Variants in RNF213 observed in about 807,000 individuals in gnomAD.
RNF213 encodes E3 ubiquitin-protein ligase RNF213.
A neutral mutation model predicts 514.4 loss-of-function variants in RNF213; 341 were observed. The observed-to-expected ratio is 0.66, with a 90% confidence interval of 0.61 to 0.73. RNF213 has a LOEUF of 0.73. Ranked by LOEUF, RNF213 falls within the 30% of genes least tolerant of loss-of-function variation. The pLI is 0.00. For synonymous variants in RNF213, 2,655 were observed against 2,658.2 expected, an observed-to-expected ratio of 1.00 and a Z score of 0.04; for missense variants, 5,767 against 6,615.6, an observed-to-expected ratio of 0.87 and a Z score of 4.45.
chr17:80,386,248 A>C lies in RNF213; in HGVS notation c.14540-2A>C. On this transcript the variant is annotated splice_acceptor_variant, in intron 61 of 67. Transcript: ENST00000582970. LOFTEE classifies it high-confidence loss of function. The stretch of plus-strand genomic sequence containing the variant: ...GCTTAAGCATAACCCTGTCGTTTAA[A>C]GGTGAGATCAACCTACCCAAAGACT... The C allele has an allele frequency of 6.2e-7, 1 of 1,607,072 alleles. No individual in the cohort carries two copies. Among genetic ancestry groups the C allele is most frequent in the Non-Finnish European group, 8.5e-7 (1 of 1,179,954 alleles).
chr17:80,283,281 C>G (rs559501648), intron 3 of RNF213, among the ~76,000 whole-genome samples: 1 of 151,938 alleles, frequency 6.6e-6, no homozygotes, highest in Non-Finnish European at 1.5e-5. Context: ...GCAGTTCACA[C>G]GGGAAGAGCT....
chr17:80,317,333 C>CAGA lies in RNF213; in HGVS notation c.2901+57_2901+59dup. The CAGA allele has an allele frequency of 1.3e-6, 2 of 1,521,020 alleles. No homozygotes were observed. 94.2% of individuals were successfully genotyped at this position (1,521,020 alleles called of 1,614,324 possible). On this transcript the variant is annotated intron_variant, in intron 16 of 67. Coordinates refer to ENST00000582970, the MANE Select transcript of RNF213 (RefSeq NM_001256071.3). This position sits in a 1 kb window ranked among gnomAD's most constrained non-coding sequence, Gnocchi z 4.1. The stretch of plus-strand genomic sequence containing the variant: ...GGCGTGAAGGCAAGCTGGAGAACCC[C>CAGA]AGACCATTAGCGACAGCCAAGAGAT...
chr17:80,389,750 A>C (rs2080386873), intron 65 of RNF213, 78 bp from the exon 66 acceptor site: 1 of 1,208,544 alleles, frequency 8.3e-7, no homozygotes, highest in East Asian at 2.3e-5. Context: ...TGTGGAGAGC[A>C]CTCAGGCTCC....
chr17:80,311,728 C>T (rs899143667), intron 14 of RNF213, among the ~76,000 whole-genome samples: 2 of 152,242 alleles, frequency 1.3e-5, no homozygotes, highest in Non-Finnish European at 2.9e-5. Context: ...TGCCCAGCTG[C>T]CTCGAGGCGT....
chr17:80,278,023 G>A (rs1004689109), intron 3 of RNF213, among the ~76,000 whole-genome samples: 2 of 152,260 alleles, frequency 1.3e-5, no homozygotes, highest in East Asian at 1.9e-4. Flanking sequence ...TTTGGTGGCC[G>A]CTGGTTGCTG....
Position 80,343,229 on chromosome 17 carries a change from G to A in RNF213, c.6087G>A (p.Gln2029=), listed in dbSNP as rs2078211921. 6.2e-7 allele frequency: 1 copy of A among 1,614,076 alleles called. No homozygotes were observed. The highest frequency in any genetic ancestry group is 8.5e-7 in the Non-Finnish European group (1 of 1,179,934). The part of the protein sequence containing the change: ...PLKTIRLIDP[Q]VDESRVLGAL... ...AAACAATTCGACTGATCGACCCTCA[G>A]GTGGATGAGAGCCGAGTCCTGGGCG... The change falls in exon 27 of 68, where the codon CAG becomes CAA. Residue 2029 remains glutamine, a synonymous_variant. Coordinates refer to ENST00000582970, the MANE Select transcript of RNF213 (RefSeq NM_001256071.3). This position sits in a 1 kb window ranked among gnomAD's most constrained non-coding sequence, Gnocchi z 4.3.
At chr17:80,318,853 G>A (rs974400609) in intron 16 of RNF213, among the ~76,000 whole-genome samples, 4 of 152,236 alleles carry the variant, frequency 2.6e-5, no homozygotes, top group African/African-American at 9.6e-5. Flanking sequence ...GATGACAGGC[G>A]TGAGCCACCG....
chr17:80,373,031 G>C lies in RNF213; in HGVS notation c.12808G>C (p.Val4270Leu). 1 of 1,614,076 alleles carries C rather than the reference G, an allele frequency of 6.2e-7. No individual in the cohort carries two copies. Among genetic ancestry groups the C allele is most frequent in the Non-Finnish European group, 8.5e-7 (1 of 1,180,004 alleles). ...GCAAGTCAAGCAGTTCTGTATCCGG[G>C]TGGAGAACGACTGGCACCGGGTGTA... ...LQQVKQFCIR[V>L]ENDWHRVYLV... is the part of the protein sequence containing the mutation. The change falls in exon 49 of 68, where the codon GTG (valine) becomes CTG (leucine). Residue 4270 changes from valine to leucine, a missense_variant. By Grantham distance (32) the Val-to-Leu change is conservative. Around this residue, in one of 13 missense-constraint regions of RNF213, gnomAD observed 1,245 missense variants for 1,339.0 expected, o/e 0.93. Coordinates refer to ENST00000582970, the MANE Select transcript of RNF213 (RefSeq NM_001256071.3).
Position 80,347,632 on chromosome 17 carries a change from G to C in RNF213, c.9297G>C (p.Met3099Ile). Residue 3099 changes from methionine (M) to isoleucine (I), a missense_variant, in exon 29 of 68, where the codon ATG (methionine) becomes ATC (isoleucine). Met to Ile is a conservative substitution (Grantham distance 10). Around this residue, in one of 13 missense-constraint regions of RNF213, gnomAD observed 919 missense variants for 1,121.0 expected, o/e 0.82. Transcript: ENST00000582970. This position sits in a 1 kb window ranked among gnomAD's most constrained non-coding sequence, Gnocchi z 7.2. ...AGATCTGCATGGAAACAGGCAAGAT[G>C]GTGTTGCTTCTCAACCTGCAGAACC... ...RVKICMETGK[M>I]VLLLNLQNLY... The C allele has an allele frequency of 6.2e-7, 1 of 1,614,122 alleles. No individual in the cohort carries two copies. Among genetic ancestry groups the C allele is most frequent in the Non-Finnish European group, 8.5e-7 (1 of 1,180,030 alleles).
chr17:80,306,589 A>C, intron 12 of RNF213, 121 bp downstream of exon 12: 31 of 1,011,844 alleles, frequency 3.1e-5, no homozygotes, highest in Non-Finnish European at 3.9e-5. Context: ...GCGGTGGCTC[A>C]CGCCTGAATC....
intron 57 of RNF213, chr17:80,381,998 C>A: frequency 4.2e-6 from 2 of 475,270 alleles, no homozygotes; most frequent in South Asian, 4.1e-5. Context: ...CTGCGGTATT[C>A]GGGAGCGTCT....
At position 80,263,985 on chromosome 17, in the gene RNF213, C is replaced by T. The variant is rs950759219; in HGVS notation, c.97+207C>T. Among the ~76,000 whole-genome samples, 3 of 152,154 alleles carry T rather than the reference C, an allele frequency of 2.0e-5. No homozygotes were observed. Among genetic ancestry groups the T allele is most frequent in the African/African-American group, 7.2e-5 (3 of 41,428 alleles). On this transcript the variant is annotated intron_variant, in intron 2 of 67. Transcript: ENST00000582970. This position sits in a 1 kb window ranked among gnomAD's most constrained non-coding sequence, Gnocchi z 4.9. Reference sequence around the variant, plus strand: ...TGGGGTGGCATAGATTAGTCTCCCACACAGGTCAAGCCAGGGGACCACCAC... The same window carrying T: ...TGGGGTGGCATAGATTAGTCTCCCATACAGGTCAAGCCAGGGGACCACCAC...
chr17:80,284,629 A>T (rs1455361806), intron 3 of RNF213, among the ~76,000 whole-genome samples: 1 of 151,998 alleles, frequency 6.6e-6, no homozygotes, highest in Non-Finnish European at 1.5e-5. Flanking sequence ...GAAGTTTATT[A>T]TGGACACACC....
chr17:80,393,355 A>G lies in RNF213; in HGVS notation c.15481A>G (p.Thr5161Ala), dbSNP rs1317128925. 1 of 1,613,962 alleles carries G rather than the reference A, an allele frequency of 6.2e-7. No homozygotes were observed. Among genetic ancestry groups the G allele is most frequent in the South Asian group, 1.1e-5 (1 of 91,074 alleles). ...RFRPQWSLRD[T>A]LVSYMQTKES... The stretch of plus-strand genomic sequence containing the variant: ...TCTTTGGTTTTTCAGCCTGAGAGAC[A>G]CTCTCGTAAGTTACATGCAAACTAA... Residue 5161 changes from threonine (T) to alanine (A), a missense_variant, in exon 68 of 68, where the codon ACT becomes GCT. Coordinates refer to ENST00000582970, the MANE Select transcript of RNF213 (RefSeq NM_001256071.3).
intron 11 of RNF213, among the ~76,000 whole-genome samples, 184 bp from the exon 12 acceptor site, chr17:80,306,068 G>A (rs1220823772): frequency 1.3e-5 from 2 of 151,942 alleles, no homozygotes; most frequent in Non-Finnish European, 2.9e-5. Context: ...GGGCTCAAGT[G>A]ATCCTCCCGA....
intron 14 of RNF213, among the ~76,000 whole-genome samples, chr17:80,309,915 C>T (rs1183427550): frequency 1.3e-5 from 2 of 152,026 alleles, no homozygotes; most frequent in East Asian, 3.9e-4. Context: ...GCCACCACGC[C>T]TGGCTAATTT....
In RNF213 at chr17:80,345,098, A is replaced by C; in HGVS notation, c.6763A>C (p.Met2255Leu). Reference sequence around the variant, plus strand: ...CTTCAAGAAGTTCGTGGTGACCTTCATGATCTTTATGGCAAGAGATTTTGC... The same window carrying C: ...CTTCAAGAAGTTCGTGGTGACCTTCCTGATCTTTATGGCAAGAGATTTTGC... Reference protein sequence around the residue: ...RGFKKFVVTFMIFMARDFATP... With the variant: ...RGFKKFVVTFLIFMARDFATP... Residue 2255 changes from methionine to leucine, a missense_variant, in exon 29 of 68, where the codon ATG becomes CTG. Met to Leu is a conservative substitution (Grantham distance 15, BLOSUM62 2). Transcript: ENST00000582970. This position sits in a 1 kb window ranked among gnomAD's most constrained non-coding sequence, Gnocchi z 6.0. 1 of 1,614,148 alleles carries C rather than the reference A, an allele frequency of 6.2e-7. No homozygotes were observed. Among genetic ancestry groups the C allele is most frequent in the Non-Finnish European group, 8.5e-7 (1 of 1,180,038 alleles).
chr17:80,371,592 A>C, intron 46 of RNF213: 1 of 238,232 alleles, frequency 4.2e-6, no homozygotes, highest in Non-Finnish European at 8.1e-6. Context: ...AAATATTGAT[A>C]ATATAACCCA....
At chr17:80,303,544 CCTTTTCTTTTTT>C (rs144444568) in intron 11 of RNF213, among the ~76,000 whole-genome samples, 70 of 151,488 alleles carry the variant, frequency 4.6e-4, no homozygotes, top group African/African-American at 5.8e-4. Flanking sequence ...CAATTCTATT[CCTTTTCTTTTTT>C]CTTTTCTTTT....
Sources: allele counts gnomAD v4.1 joint callset (sites outside exome capture counted in the v4.1 genomes callset), GRCh38; gene constraint gnomAD v4.1.1; regional missense constraint gnomAD v4.1.1; non-coding constraint Gnocchi (gnomAD v3.1); transcripts MANE v1.5; gene names NCBI Gene and HGNC (gene_info 2026-07-23, HGNC 2026-07-21).